Variants in ANKRD30A observed in about 807,000 individuals in gnomAD.
ANKRD30A encodes ankyrin repeat domain-containing protein 30A.
Under a neutral mutation model 166.3 loss-of-function variants are expected in ANKRD30A, and 170 were observed. The ratio of observed to expected loss-of-function variants is 1.02; its 90% CI spans 0.90 to 1.16. The LOEUF is 1.16. Among genes scored for constraint, ANKRD30A ranks in the 50% most tolerant of loss-of-function variants. The pLI is 0.00. For missense variants in ANKRD30A, 1,630 were observed against 1,518.0 expected (o/e 1.07, Z -1.23); for synonymous variants, 564 against 508.9 (o/e 1.11, Z -1.46).
chr10:37,211,458 T>G (rs1842311092), intron 31 of ANKRD30A, among the ~76,000 whole-genome samples: 1 of 152,120 alleles, frequency 6.6e-6, no homozygotes, highest in South Asian at 2.1e-4. Flanking sequence ...ACAAAGGACA[T>G]GAACTCATCA....
chr10:37,144,826 G>A (rs1266265722), intron 7 of ANKRD30A, among the ~76,000 whole-genome samples, 169 bp from the exon 8 acceptor site: 3 of 152,072 alleles, frequency 2.0e-5, no homozygotes, highest in Non-Finnish European at 2.9e-5. Flanking sequence ...TTTTAAGATT[G>A]CAGCTCTAAC....
intron 13 of ANKRD30A, among the ~76,000 whole-genome samples, chr10:37,157,037 T>A (rs1283961126): frequency 6.6e-6 from 1 of 152,186 alleles, no homozygotes; most frequent in African/African-American, 2.4e-5. Context: ...TTTCTAAATA[T>A]ATTAAAGCAT....
intron 15 of ANKRD30A, 21 bp from the exon 16 acceptor site, chr10:37,162,628 T>A (rs777816957): frequency 3.1e-6 from 5 of 1,611,802 alleles, no homozygotes; most frequent in Non-Finnish European, 4.2e-6. Context: ...TGATTGATGA[T>A]AAATCTCTTT....
the ANKRD30A span, among the ~76,000 whole-genome samples, chr10:37,257,571 C>T: frequency 1.3e-5 from 2 of 152,040 alleles, no homozygotes; most frequent in African/African-American, 2.4e-5. Flanking sequence ...TTGCTTTAGC[C>T]GTGTCCCAGA....
intron 13 of ANKRD30A, among the ~76,000 whole-genome samples, chr10:37,154,949 T>C (rs1046396870): frequency 1.3e-5 from 2 of 152,224 alleles, no homozygotes; most frequent in African/African-American, 4.8e-5. Context: ...ATGTTGTTGA[T>C]ATTCACAATT....
Position 37,196,314 on chromosome 10 carries a change from A to T in ANKRD30A, c.2615-967A>T, listed in dbSNP as rs369935638. ...CTAGAATTGGGGGAACCACAGTGAC[A>T]CATTAGGTTTTTCTGTTACAATGAG... On this transcript the variant is annotated intron_variant, in intron 27 of 35. Transcript: ENST00000361713. Among the ~76,000 whole-genome samples, 28 of 151,988 alleles carry T rather than the reference A, an allele frequency of 1.8e-4. 1 individual carries two copies. The highest frequency in any genetic ancestry group is 6.3e-4 in the African/African-American group (26 of 41,362).
Position 37,147,389 on chromosome 10 carries a change from C to T in ANKRD30A, c.1475C>T (p.Ala492Val), listed in dbSNP as rs752461731. 3 of 1,595,318 alleles carry T rather than the reference C, an allele frequency of 1.9e-6. No homozygotes were observed. The highest frequency in any genetic ancestry group is 2.6e-6 in the Non-Finnish European group (3 of 1,171,108). Residue 492 changes from alanine (A) to valine (V), a missense_variant, in exon 9 of 36, where the codon GCA becomes GTA. By Grantham distance (64) the Ala-to-Val change is moderately conservative. Around this residue, in one of 4 missense-constraint regions of ANKRD30A, gnomAD observed 904 missense variants for 818.5 expected, o/e 1.10. Transcript: ENST00000361713. ...CDSRSLFESS[A>V]KIQVCIPESI... ...TAACAGAGTCTCTTTGAGAGTTCTG[C>T]AAAGATTCAAGTGTGTATACCTGAG...
intron 25 of ANKRD30A, among the ~76,000 whole-genome samples, chr10:37,190,041 A>C (rs111956555): frequency 0.081 from 12,260 of 151,860 alleles, 764 homozygotes; most frequent in African/African-American, 0.13. Flanking sequence ...TGTCTTTCTC[A>C]CTTGTGGGAA....
At chr10:37,254,292 A>G in the ANKRD30A span, among the ~76,000 whole-genome samples, 1 of 152,170 alleles carries the variant, frequency 6.6e-6, no homozygotes, top group Non-Finnish European at 1.5e-5. Flanking sequence ...CAACCACCTC[A>G]CAGTTTTCCA....
At chr10:37,224,133 G>A (rs1287012686) in intron 34 of ANKRD30A, among the ~76,000 whole-genome samples, 1 of 151,080 alleles carries the variant, frequency 6.6e-6, no homozygotes, top group East Asian at 1.9e-4. Flanking sequence ...TAATGATTTT[G>A]AAAACAATAA....
chr10:37,166,078 T>C (rs1202574022), intron 18 of ANKRD30A, among the ~76,000 whole-genome samples: 2 of 152,114 alleles, frequency 1.3e-5, no homozygotes, highest in Non-Finnish European at 2.9e-5. Context: ...TTTAAGCCCC[T>C]GTTTACCGAA....
At chr10:37,240,104 T>A in the ANKRD30A span, among the ~76,000 whole-genome samples, 47 of 152,276 alleles carry the variant, frequency 3.1e-4, no homozygotes, top group African/African-American at 1.1e-3. Context: ...GGCTATTGTT[T>A]GTTTAATAGA....
intron 19 of ANKRD30A, among the ~76,000 whole-genome samples, chr10:37,167,039 G>T (rs1839408316): frequency 1.3e-5 from 2 of 152,066 alleles, no homozygotes; most frequent in South Asian, 4.1e-4. Context: ...TTTATGTAAT[G>T]GAGGATGATA....
chr10:37,159,307 A>G (rs1027480988), intron 15 of ANKRD30A, among the ~76,000 whole-genome samples: 2 of 152,294 alleles, frequency 1.3e-5, no homozygotes, highest in African/African-American at 4.8e-5. Flanking sequence ...AGTTAAGGTC[A>G]GGAGTCCCAG....
At chr10:37,205,475 G>A (rs562380405) in intron 31 of ANKRD30A, among the ~76,000 whole-genome samples, 3 of 152,244 alleles carry the variant, frequency 2.0e-5, no homozygotes, top group African/African-American at 7.2e-5. Flanking sequence ...GGGAGGGATA[G>A]CATTAAGAGA....
intron 25 of ANKRD30A, among the ~76,000 whole-genome samples, chr10:37,191,919 C>T (rs942109878): frequency 7.2e-5 from 11 of 152,120 alleles, no homozygotes; most frequent in East Asian, 1.9e-4. Context: ...GGCGTGAACC[C>T]GCGAGGCGGA....
At chr10:37,265,698 A>G in the ANKRD30A span, among the ~76,000 whole-genome samples, 1 of 152,218 alleles carries the variant, frequency 6.6e-6, no homozygotes. Flanking sequence ...TGGTGTTTCC[A>G]CCGACGTTTA....
At chr10:37,259,579 G>A in the ANKRD30A span, among the ~76,000 whole-genome samples, 1 of 152,192 alleles carries the variant, frequency 6.6e-6, no homozygotes, top group South Asian at 2.1e-4. Flanking sequence ...GTCAAGAGCT[G>A]GAAGCAACCC....
In ANKRD30A at chr10:37,219,768, T is replaced by A. The variant is rs376663773; in HGVS notation, c.4056T>A (p.Ile1352=). 1.9e-6 allele frequency: 3 copies of A among 1,608,346 alleles called. No individual in the cohort carries two copies. Among genetic ancestry groups the A allele is most frequent in the Non-Finnish European group, 2.5e-6 (3 of 1,176,564 alleles). The change falls in exon 34 of 36, where the codon ATT becomes ATA. Residue 1352 remains isoleucine, a synonymous_variant. Coordinates refer to ENST00000361713, the MANE Select transcript of ANKRD30A (RefSeq NM_052997.3). The part of the protein sequence containing the change: ...KKADNKSKIT[I]DIHFLERKMQ... ...CTGACAACAAAAGCAAGATAACAATTGATATTCATTTTCTTGAGAGGAAAA... is the reference window on the plus strand; with the variant it reads ...CTGACAACAAAAGCAAGATAACAATAGATATTCATTTTCTTGAGAGGAAAA...
Sources: gnomAD v4.1 joint callset for allele counts (sites outside exome capture counted in the v4.1 genomes callset) on GRCh38, gnomAD v4.1.1 for gene constraint, gnomAD v4.1.1 regional missense constraint, MANE v1.5 for transcripts, NCBI Gene and HGNC (gene_info 2026-07-23, HGNC 2026-07-21) for gene names.